PCDH9: variants seen among roughly 807,000 people sequenced by gnomAD.
PCDH9 encodes protocadherin-9.
In PCDH9, 24 loss-of-function variants were observed where a neutral mutation model predicts 70.6. That is an observed-to-expected ratio of 0.34 (90% CI 0.25 to 0.48). PCDH9 has a LOEUF of 0.48. Among genes scored for constraint, PCDH9 ranks in the 20% least tolerant of loss-of-function variants. The pLI, the probability that PCDH9 is intolerant of heterozygous loss-of-function variation, is 0.99. For missense variants in PCDH9, 1,281 were observed against 1,503.6 expected (o/e 0.85, Z 2.45); for synonymous variants, 562 against 558.5 (o/e 1.01, Z -0.09).
At chr13:66,897,348 AC>A (rs1180831428) in intron 3 of PCDH9, among the ~76,000 whole-genome samples, 2 of 152,050 alleles carry the variant, frequency 1.3e-5, no homozygotes, top group African/African-American at 4.8e-5. Context: ...AGGTTGGATA[AC>A]TTGTTTCCCC....
intron 3 of PCDH9, among the ~76,000 whole-genome samples, chr13:66,745,766 T>C (rs1307481244): frequency 6.6e-6 from 1 of 152,168 alleles, no homozygotes; most frequent in African/African-American, 2.4e-5. Context: ...AATGTGTGCA[T>C]GAAAGAGTAA....
At chr13:66,353,730 A>G (rs536992464) in intron 4 of PCDH9, among the ~76,000 whole-genome samples, 1 of 152,228 alleles carries the variant, frequency 6.6e-6, no homozygotes, top group South Asian at 2.1e-4. Flanking sequence ...ATGTAATACA[A>G]TGCTTCTGTT....
chr13:67,159,731 T>C (rs1439631665), intron 2 of PCDH9, among the ~76,000 whole-genome samples: 1 of 152,172 alleles, frequency 6.6e-6, no homozygotes. Context: ...AGAATAGATT[T>C]ATTCAGTAAT....
chr13:66,354,524 G>A (rs535853281), intron 4 of PCDH9, among the ~76,000 whole-genome samples: 3 of 152,048 alleles, frequency 2.0e-5, no homozygotes, highest in East Asian at 1.9e-4. Flanking sequence ...AGAAAAAATT[G>A]CCATACTCTG....
At chr13:66,870,921 A>G (rs1049449176) in intron 3 of PCDH9, among the ~76,000 whole-genome samples, 16 of 152,196 alleles carry the variant, frequency 1.1e-4, no homozygotes, top group Non-Finnish European at 1.8e-4. Flanking sequence ...TCATGCTGCT[A>G]TAAAGACACA....
intron 2 of PCDH9, chr13:67,213,916 T>G (rs932392569): frequency 1.3e-5 from 2 of 152,178 alleles, no homozygotes; most frequent in Admixed American, 6.5e-5. Flanking sequence ...AATTTGACTA[T>G]ATCTACTTCT....
chr13:66,730,960 G>A (rs1188447925), intron 3 of PCDH9, among the ~76,000 whole-genome samples: 5 of 135,810 alleles, frequency 3.7e-5, no homozygotes, highest in African/African-American at 1.3e-4. Flanking sequence ...CTGGCTTTAA[G>A]CTATCTTCCT....
chr13:66,337,831 A>G (rs888140154), intron 4 of PCDH9, among the ~76,000 whole-genome samples: 48 of 152,208 alleles, frequency 3.2e-4, no homozygotes, highest in African/African-American at 1.1e-3. Flanking sequence ...GAGAAATTTA[A>G]TTGAATGCAT....
chr13:67,004,552 C>CAAAAAAA (rs34776193), intron 2 of PCDH9, among the ~76,000 whole-genome samples: 2 of 124,020 alleles, frequency 1.6e-5, no homozygotes, highest in African/African-American at 6.2e-5. Flanking sequence ...GACTCCGTCT[C>CAAAAAAA]AAAAAAAAAA....
At chr13:66,731,160 G>C (rs1025415266) in intron 3 of PCDH9, among the ~76,000 whole-genome samples, 2 of 151,968 alleles carry the variant, frequency 1.3e-5, no homozygotes, top group South Asian at 4.1e-4. Context: ...CAAGTCTATG[G>C]AAGAGGAAAT....
intron 4 of PCDH9, among the ~76,000 whole-genome samples, chr13:66,539,064 C>G (rs1356078718): frequency 6.6e-6 from 1 of 151,892 alleles, no homozygotes; most frequent in African/African-American, 2.4e-5. Flanking sequence ...CAAAAATGTA[C>G]AACAAAATAT....
At chr13:67,214,979 T>C (rs1272262492) in intron 2 of PCDH9, 2 of 138,920 alleles carry the variant, frequency 1.4e-5, no homozygotes, top group Non-Finnish European at 3.1e-5. Flanking sequence ...TATATTCACT[T>C]AATCTTAGGA....
chr13:66,897,612 A>T (rs1332301119), intron 3 of PCDH9, among the ~76,000 whole-genome samples: 2 of 152,124 alleles, frequency 1.3e-5, no homozygotes, highest in African/African-American at 4.8e-5. Flanking sequence ...AAATAAACCA[A>T]CATTCATGTT....
intron 4 of PCDH9, among the ~76,000 whole-genome samples, chr13:66,416,144 T>C (rs1957456254): frequency 2.0e-5 from 3 of 152,098 alleles, no homozygotes; most frequent in South Asian, 4.1e-4. Flanking sequence ...GAAGGGAATA[T>C]GTTTTGTTTG....
At chr13:66,609,246 G>T (rs927767121) in intron 4 of PCDH9, among the ~76,000 whole-genome samples, 1 of 151,944 alleles carries the variant, frequency 6.6e-6, no homozygotes. Context: ...ATGACATATA[G>T]AAAATAAAAA....
At chr13:66,740,756 T>G (rs2079250110) in intron 3 of PCDH9, among the ~76,000 whole-genome samples, 1 of 151,866 alleles carries the variant, frequency 6.6e-6, no homozygotes, top group African/African-American at 2.4e-5. Context: ...ATGAATAAAT[T>G]CCTCGACACA....
chr13:66,934,096 G>A (rs930377642), intron 2 of PCDH9, among the ~76,000 whole-genome samples: 5 of 152,066 alleles, frequency 3.3e-5, no homozygotes, highest in African/African-American at 1.2e-4. Context: ...CTTGCTACTA[G>A]ACAAGCAAAT....
chr13:66,738,567 G>C (rs4053707), intron 3 of PCDH9, among the ~76,000 whole-genome samples: 106,575 of 110,702 alleles, frequency 0.96, 51,526 homozygotes, highest in South Asian at 1. Context: ...ACATTCAAAC[G>C]AAAGGCAAAG....
At chr13:67,132,271 T>G (rs934838611) in intron 2 of PCDH9, among the ~76,000 whole-genome samples, 1 of 152,144 alleles carries the variant, frequency 6.6e-6, no homozygotes, top group Non-Finnish European at 1.5e-5. Flanking sequence ...TTTAACTACA[T>G]TACCGTACTT....
Sources: gnomAD v4.1 joint callset for allele counts (sites outside exome capture counted in the v4.1 genomes callset) on GRCh38, gnomAD v4.1.1 for gene constraint, MANE v1.5 for transcripts, NCBI Gene and HGNC (gene_info 2026-07-23, HGNC 2026-07-21) for gene names.